Variants in FTCDNL1 observed in about 807,000 individuals in gnomAD.
The protein encoded by FTCDNL1 is formiminotransferase N-terminal subdomain-containing protein.
A neutral mutation model predicts 5.9 loss-of-function variants in FTCDNL1; 11 were observed. The ratio of observed to expected loss-of-function variants is 1.87; its 90% CI spans 1.18 to 3.10. FTCDNL1 has a LOEUF of 3.10. Among genes scored for constraint, FTCDNL1 ranks in the 30% most tolerant of loss-of-function variants. The pLI, the probability that FTCDNL1 is intolerant of heterozygous loss-of-function variation, is 0.00. For synonymous variants in FTCDNL1, 58 were observed against 24.8 expected (o/e 2.34, Z -3.99); for missense variants, 115 against 65.5 (o/e 1.76, Z -2.61).
chr2:199,705,855 A>C, the FTCDNL1 span, among the ~76,000 whole-genome samples: 4 of 152,360 alleles, frequency 2.6e-5, no homozygotes, highest in South Asian at 8.3e-4. Flanking sequence ...TGGAGTAGCC[A>C]GCAGAGACTT....
intron 4 of FTCDNL1, among the ~76,000 whole-genome samples, chr2:199,816,770 G>T (rs900559439): frequency 6.6e-6 from 1 of 151,952 alleles, no homozygotes; most frequent in Non-Finnish European, 1.5e-5. Flanking sequence ...TCACAATACG[G>T]CCCCATTCTA....
rs562432010 is a variant in FTCDNL1, at chr2:199,833,866, A to G, written c.211+12209T>C. ...TATCCCCACCTTTCAGATAACGACC[A>G]TTTCCACACACCCTTCTCCAACCTC... is the stretch of plus-strand genomic sequence containing the variant. On this transcript the variant is annotated intron_variant, in intron 3 of 4. Coordinates refer to ENST00000420128, the MANE Select transcript of FTCDNL1 (RefSeq NM_001363886.2). 4.6e-5 allele frequency among the ~76,000 whole-genome samples: 7 copies of G among 152,118 alleles called. No individual in the cohort carries two copies. In the South Asian group the frequency reaches 1.5e-3, roughly 32 times the overall value.
chr2:199,671,640 C>T, the FTCDNL1 span, among the ~76,000 whole-genome samples: 1 of 152,060 alleles, frequency 6.6e-6, no homozygotes, highest in Non-Finnish European at 1.5e-5. Context: ...TAAAATCATG[C>T]ACTGATCCTC....
chr2:199,727,978 G>A, the FTCDNL1 span, among the ~76,000 whole-genome samples: 1 of 151,820 alleles, frequency 6.6e-6, no homozygotes. Context: ...TTATTTCTTG[G>A]CAGAACAAGT....
the FTCDNL1 span, among the ~76,000 whole-genome samples, chr2:199,682,806 G>A: frequency 6.6e-6 from 1 of 152,166 alleles, no homozygotes; most frequent in African/African-American, 2.4e-5. Context: ...ACATATAATA[G>A]ATTTCTCATT....
intron 3 of FTCDNL1, among the ~76,000 whole-genome samples, chr2:199,841,987 G>A (rs980019497): frequency 3.3e-5 from 5 of 152,182 alleles, no homozygotes; most frequent in South Asian, 2.1e-4. Flanking sequence ...AGCCAAGTGC[G>A]GTGGCTCATG....
At chr2:199,694,958 C>T in the FTCDNL1 span, among the ~76,000 whole-genome samples, 1 of 152,184 alleles carries the variant, frequency 6.6e-6, no homozygotes, top group Non-Finnish European at 1.5e-5. Flanking sequence ...TGGGATCTAG[C>T]TGCAGGTTTG....
At chr2:199,675,490 T>C in the FTCDNL1 span, among the ~76,000 whole-genome samples, 2 of 152,210 alleles carry the variant, frequency 1.3e-5, no homozygotes, top group African/African-American at 4.8e-5. Flanking sequence ...ATTAGCCATA[T>C]AAGATTCAGT....
chr2:199,673,980 C>T, the FTCDNL1 span, among the ~76,000 whole-genome samples: 1 of 152,074 alleles, frequency 6.6e-6, no homozygotes, highest in Non-Finnish European at 1.5e-5. Flanking sequence ...TCAGCCCAGC[C>T]CAAGTCTATG....
At chr2:199,696,409 T>C in the FTCDNL1 span, among the ~76,000 whole-genome samples, 1 of 152,188 alleles carries the variant, frequency 6.6e-6, no homozygotes, top group Non-Finnish European at 1.5e-5. Flanking sequence ...TGAAGTGTTG[T>C]TGCCGGCAGA....
intron 3 of FTCDNL1, among the ~76,000 whole-genome samples, chr2:199,768,424 T>C (rs1384287875): frequency 2.6e-5 from 4 of 152,188 alleles, no homozygotes; most frequent in Non-Finnish European, 5.9e-5. Context: ...CATTTACTAC[T>C]TTCCAGACAA....
the FTCDNL1 span, among the ~76,000 whole-genome samples, chr2:199,731,659 C>T: frequency 2.0e-5 from 3 of 152,132 alleles, no homozygotes. Flanking sequence ...GAGGCCGAGG[C>T]GGGCGGATCA....
the FTCDNL1 span, among the ~76,000 whole-genome samples, chr2:199,688,807 C>A: frequency 6.6e-6 from 1 of 152,208 alleles, no homozygotes; most frequent in Non-Finnish European, 1.5e-5. Context: ...CAGTACAGTT[C>A]TGCCTCGGGT....
chr2:199,841,116 A>T (rs1040206739), intron 3 of FTCDNL1, among the ~76,000 whole-genome samples: 2 of 151,734 alleles, frequency 1.3e-5, no homozygotes, highest in Non-Finnish European at 2.9e-5. Context: ...ATGCCACTGC[A>T]CTCCAGCCTG....
At chr2:199,712,123 A>G in the FTCDNL1 span, among the ~76,000 whole-genome samples, 2 of 152,202 alleles carry the variant, frequency 1.3e-5, no homozygotes, top group African/African-American at 4.8e-5. Flanking sequence ...AATGGCCAAG[A>G]GTAAAAATCA....
At chr2:199,758,507 T>TGG (rs1268312577), downstream of FTCDNL1, among the ~76,000 whole-genome samples, 4 of 151,290 alleles carry the variant, frequency 2.6e-5, no homozygotes, top group Non-Finnish European at 5.9e-5. Context: ...CATACACTGC[T>TGG]GGGGTGATTG....
chr2:199,806,014 T>A (rs1700708335), downstream of FTCDNL1, among the ~76,000 whole-genome samples: 1 of 152,038 alleles, frequency 6.6e-6, no homozygotes, highest in South Asian at 2.1e-4. Context: ...TAGTCCCATG[T>A]TTAGGTCTGT....
chr2:199,791,939 A>C (rs1001315703), intron 3 of FTCDNL1, among the ~76,000 whole-genome samples: 1 of 152,140 alleles, frequency 6.6e-6, no homozygotes, highest in African/African-American at 2.4e-5. Context: ...AATTATTTAC[A>C]TGAGCTAATT....
At chr2:199,715,823 T>C in the FTCDNL1 span, among the ~76,000 whole-genome samples, 4 of 151,946 alleles carry the variant, frequency 2.6e-5, no homozygotes, top group Non-Finnish European at 5.9e-5. Context: ...AGAAAAGGGT[T>C]GGTAAAATGG....
Sources: gnomAD v4.1 joint callset for allele counts (sites outside exome capture counted in the v4.1 genomes callset) on GRCh38, gnomAD v4.1.1 for gene constraint, MANE v1.5 for transcripts, NCBI Gene and HGNC (gene_info 2026-07-23, HGNC 2026-07-21) for gene names.